The following DLEC1 variants were observed in gnomAD, a reference collection of about 807,000 sequenced individuals.
DLEC1 encodes the protein deleted in lung and esophageal cancer protein 1.
In DLEC1, 146 loss-of-function variants were observed where a neutral mutation model predicts 198.1. The ratio of observed to expected loss-of-function variants is 0.74; its 90% CI spans 0.64 to 0.85. The LOEUF is 0.85. DLEC1 is among the 40% of genes least tolerant of loss of function. The probability of loss-of-function intolerance (pLI) is 0.00; values close to 1 mark genes in which losing one functional copy is unlikely to be tolerated. For synonymous variants in DLEC1, 897 were observed against 866.8 expected (o/e 1.03, Z -0.61); for missense variants, 2,233 against 2,220.0 (o/e 1.01, Z -0.12).
In DLEC1 at chr3:38,109,891, G is replaced by C. The variant is rs372237757; in HGVS notation, c.3261-208G>C. ...GCCATGCCAGCATGCCGCTGGCCAG[G>C]GACGGTTTGTGCAGAGTTTGAGGCC... On this transcript the variant is annotated intron_variant, in intron 22 of 36. Transcript: ENST00000308059. The C allele has an allele frequency of 2.4e-4, 170 of 702,114 alleles. No individual in the cohort carries two copies. In the African/African-American group the frequency reaches 2.7e-3, roughly 11 times the overall value. The allele number at this position is 702,114 out of a possible 1,614,324, so 43.5% of individuals were successfully genotyped here.
chr3:38,068,693 A>G (rs1697161346), intron 6 of DLEC1, among the ~76,000 whole-genome samples: 1 of 152,222 alleles, frequency 6.6e-6, no homozygotes, highest in Non-Finnish European at 1.5e-5. Context: ...GATGACATTG[A>G]GAAGAGTCCC....
At chr3:38,096,308 C>T (rs934207974) in intron 14 of DLEC1, among the ~76,000 whole-genome samples, 1 of 152,188 alleles carries the variant, frequency 6.6e-6, no homozygotes, top group Admixed American at 6.5e-5. Context: ...GTGCAGAGAT[C>T]CCAGGCTGGA....
At chr3:38,118,859 C>A (rs1700316139) in intron 33 of DLEC1, among the ~76,000 whole-genome samples, 1 of 152,176 alleles carries the variant, frequency 6.6e-6, no homozygotes, top group South Asian at 2.1e-4. Context: ...TTATTTCTAT[C>A]CAATGTATAC....
chr3:38,122,345 C>T lies in DLEC1; in HGVS notation c.5201C>T (p.Ser1734Phe), dbSNP rs1159793509. 2.5e-6 allele frequency: 4 copies of T among 1,614,148 alleles called. No homozygotes were observed. The highest frequency in any genetic ancestry group is 1.1e-5 in the South Asian group (1 of 91,078). ...MVVEGVLGEK[S>F]CTLRLRGQGS... The stretch of plus-strand genomic sequence containing the variant: ...GTGGAAGGTGTGCTCGGTGAGAAGT[C>T]CTGCACCCTGCGGCTCCGGGGCCAA... Residue 1734 changes from serine to phenylalanine, a missense_variant, in exon 37 of 37, where the codon TCC becomes TTC. Ser to Phe is a radical substitution (Grantham distance 155). Transcript: ENST00000308059.
intron 13 of DLEC1, chr3:38,095,486 C>A: frequency 3.3e-6 from 1 of 299,576 alleles, no homozygotes; most frequent in Non-Finnish European, 6.4e-6. Flanking sequence ...GAAGGGAATT[C>A]GAGCTGGGCA....
intron 19 of DLEC1, among the ~76,000 whole-genome samples, chr3:38,104,740 G>C (rs936806998): frequency 6.6e-6 from 1 of 152,130 alleles, no homozygotes; most frequent in Non-Finnish European, 1.5e-5. Flanking sequence ...CAAAGAACCA[G>C]CTTTTGCTTT....
At chr3:38,115,208 A>C (rs980339389) in intron 27 of DLEC1, among the ~76,000 whole-genome samples, 155 bp downstream of exon 27, 1 of 152,232 alleles carries the variant, frequency 6.6e-6, no homozygotes, top group African/African-American at 2.4e-5. Context: ...ATGGGCCCAC[A>C]GATGCCCTGC....
intron 10 of DLEC1, 87 bp downstream of exon 10, chr3:38,088,475 C>A: frequency 1.6e-6 from 2 of 1,253,834 alleles, no homozygotes; most frequent in South Asian, 1.3e-5. Flanking sequence ...TGTCCAGTCC[C>A]ATCCCATATC....
chr3:38,119,199 G>A (rs1024267303), intron 33 of DLEC1, among the ~76,000 whole-genome samples: 4 of 152,252 alleles, frequency 2.6e-5, no homozygotes, highest in South Asian at 2.1e-4. Flanking sequence ...CCCTCCATGC[G>A]CTAACAATGC....
chr3:38,086,436 C>T (rs1335385610), intron 9 of DLEC1, 59 bp downstream of exon 9: 1 of 1,557,256 alleles, frequency 6.4e-7, no homozygotes, highest in African/African-American at 1.4e-5. Context: ...GAAATAACCC[C>T]CAGAGGAACT....
intron 6 of DLEC1, among the ~76,000 whole-genome samples, chr3:38,070,205 G>A (rs545320618): frequency 1.6e-4 from 25 of 152,280 alleles, no homozygotes; most frequent in Admixed American, 9.8e-4. Flanking sequence ...TGAGTGGGTT[G>A]CGTAAGAGGC....
intron 34 of DLEC1, 72 bp downstream of exon 34, chr3:38,120,681 G>A: frequency 1.3e-6 from 2 of 1,590,574 alleles, no homozygotes; most frequent in African/African-American, 1.3e-5. Context: ...GGGGCCAGAG[G>A]AGGAAAGACC....
intron 1 of DLEC1, among the ~76,000 whole-genome samples, chr3:38,040,243 C>T (rs576912970): frequency 5.4e-4 from 83 of 152,318 alleles, no homozygotes; most frequent in Non-Finnish European, 6.3e-4. Flanking sequence ...CTTCTCCTTT[C>T]TGTTCTGTCC....
rs117698205 is a variant in DLEC1 at position 38,067,636 on chromosome 3, G to T, written c.1173+3717G>T. Among the ~76,000 whole-genome samples the T allele has an allele frequency of 6.4e-3, 976 of 152,216 alleles. 12 individuals carry two copies. The highest frequency in any genetic ancestry group is 0.039 in the East Asian group (204 of 5,182). ...ATGCTGTTGTAGATAGAGAGCTGAGGCTGTCTACCAGAATGTCTACACCAC... is the reference window on the plus strand; with the variant it reads ...ATGCTGTTGTAGATAGAGAGCTGAGTCTGTCTACCAGAATGTCTACACCAC... On this transcript the variant is annotated intron_variant, in intron 6 of 36. Transcript: ENST00000308059.
intron 3 of DLEC1, among the ~76,000 whole-genome samples, chr3:38,060,134 A>G (rs1696603272): frequency 6.6e-6 from 1 of 152,194 alleles, no homozygotes; most frequent in Non-Finnish European, 1.5e-5. Flanking sequence ...TTGGAGTTGC[A>G]GTTGAACCAA....
intron 3 of DLEC1, among the ~76,000 whole-genome samples, chr3:38,060,875 G>A (rs1696644511): frequency 6.6e-6 from 1 of 151,850 alleles, no homozygotes; most frequent in African/African-American, 2.4e-5. Context: ...TGTATTTTTA[G>A]TAGAGAGGGG....
intron 7 of DLEC1, among the ~76,000 whole-genome samples, chr3:38,084,476 GGTGGTAGTAGTGGTGGTA>G (rs1698290565): frequency 1.7e-5 from 2 of 116,478 alleles, no homozygotes; most frequent in Non-Finnish European, 3.7e-5. Context: ...TAGTGGTGGT[GGTGGTAGTAGTGGTGGTA>G]GTAGTAGTGG....
rs1575202474 is a variant in DLEC1 at position 38,100,298 on chromosome 3, G to A, written c.2737G>A (p.Asp913Asn). 13 of 1,610,932 alleles carry A rather than the reference G, an allele frequency of 8.1e-6. No individual in the cohort carries two copies. The highest frequency in any genetic ancestry group is 1.1e-5 in the South Asian group (1 of 90,692). The change falls in exon 19 of 37, where the codon GAC (aspartate) becomes AAC (asparagine). Residue 913 changes from aspartate (D) to asparagine (N), a missense_variant. By Grantham distance (23) the Asp-to-Asn change is conservative (BLOSUM62 1). Coordinates refer to ENST00000308059, the MANE Select transcript of DLEC1 (RefSeq NM_007335.4). ...TTCTCCGGGGCAGGTGTCTCCCTTC[G>A]ACATTGAGCCTTCGAGTGGCCAGCT... ...QERPEDVSPF[D>N]IEPSSGQLHS...
intron 3 of DLEC1, among the ~76,000 whole-genome samples, chr3:38,060,144 A>G (rs2125607802): frequency 6.6e-6 from 1 of 152,322 alleles, no homozygotes; most frequent in East Asian, 1.9e-4. Context: ...AGTTGAACCA[A>G]GAGAAGGAAA....
Sources: gnomAD v4.1 joint callset for allele counts (sites outside exome capture counted in the v4.1 genomes callset) on GRCh38, gnomAD v4.1.1 for gene constraint, MANE v1.5 for transcripts, NCBI Gene and HGNC (gene_info 2026-07-23, HGNC 2026-07-21) for gene names.